The following MCRIP1 variants were observed in gnomAD, a reference collection of about 807,000 sequenced individuals.
The protein encoded by MCRIP1 is mapk-regulated corepressor-interacting protein 1.
In MCRIP1, 10 loss-of-function variants were observed where a neutral mutation model predicts 14.4. The ratio of observed to expected loss-of-function variants is 0.70; its 90% CI spans 0.43 to 1.18. The LOEUF (loss-of-function observed/expected upper bound fraction) is 1.18, where lower values mean the gene tolerates loss of function less well. Among genes scored for constraint, MCRIP1 ranks in the 50% most tolerant of loss-of-function variants. The pLI is 0.00. For synonymous variants in MCRIP1, 53 were observed against 55.7 expected (o/e 0.95, Z 0.21); for missense variants, 119 against 135.4 (o/e 0.88, Z 0.60).
rs549854554 is a variant in MCRIP1 at position 81,823,821 on chromosome 17, T to G, written c.128-308A>C. On this transcript the variant is annotated intron_variant, in intron 3 of 4. Coordinates refer to ENST00000455127, the MANE Select transcript of MCRIP1 (RefSeq NM_207368.5). The surrounding 1 kb of genome is among the most constrained non-coding windows in gnomAD (Gnocchi z 6.0). The stretch of plus-strand genomic sequence containing the variant: ...CGCATCCTCCTCAGCTAGGCCTCTA[T>G]CTTTCCCACCTCATCCACGCACCTC... 1 of 570,890 alleles carries G rather than the reference T, an allele frequency of 1.8e-6. No individual in the cohort carries two copies. The highest frequency in any genetic ancestry group is 1.9e-5 in the African/African-American group (1 of 53,310). 35.4% of individuals were successfully genotyped at this position (570,890 alleles called of 1,614,324 possible). A position where few individuals can be genotyped will look rare whatever the true frequency, so the allele number is the denominator to read the frequency against.
At chr17:81,828,856 G>A (rs2038463294) in intron 1 of MCRIP1, among the ~76,000 whole-genome samples, 1 of 152,206 alleles carries the variant, frequency 6.6e-6, no homozygotes, top group Non-Finnish European at 1.5e-5. Context: ...GGTCACCATG[G>A]AGCCACAATA....
intron 1 of MCRIP1, chr17:81,825,733 AG>A (rs1202714125): frequency 1.6e-6 from 2 of 1,289,320 alleles, no homozygotes; most frequent in East Asian, 1.1e-4. Context: ...AGGTCCAAAA[AG>A]GGCCAGGGGC....
Position 81,822,942 on chromosome 17 carries a change from G to A in MCRIP1, c.*305C>T. The A allele has an allele frequency of 1.8e-6, 1 of 552,594 alleles. No homozygotes were observed. Among genetic ancestry groups the A allele is most frequent in the South Asian group, 2.2e-5 (1 of 46,110 alleles). The allele number at this position is 552,594 out of a possible 1,614,324, so 34.2% of individuals were successfully genotyped here. A position where few individuals can be genotyped will look rare whatever the true frequency, so the allele number is the denominator to read the frequency against. ...CCAGGGGCAGGAGGGTGAGGGGAGA[G>A]GAGAGAGGTCAGGTCAGGGCCCCTG... is the stretch of plus-strand genomic sequence containing the variant. On this transcript the variant is annotated 3_prime_UTR_variant, in exon 5 of 5. Coordinates refer to ENST00000455127, the MANE Select transcript of MCRIP1 (RefSeq NM_207368.5).
chr17:81,827,059 A>G (rs1470481946), intron 1 of MCRIP1, among the ~76,000 whole-genome samples: 3 of 149,634 alleles, frequency 2.0e-5, no homozygotes, highest in South Asian at 2.2e-4. Context: ...CGGAGGTTGC[A>G]GTGAGCCGAG....
intron 1 of MCRIP1, among the ~76,000 whole-genome samples, chr17:81,832,962 G>T (rs962763075): frequency 7.2e-5 from 11 of 152,060 alleles, no homozygotes; most frequent in Non-Finnish European, 1.3e-4. Flanking sequence ...CTGGGTCCCC[G>T]GCACCTGCCC....
intron 1 of MCRIP1, chr17:81,824,992 C>G (rs148563006): frequency 2.0e-4 from 216 of 1,057,072 alleles, no homozygotes; most frequent in Non-Finnish European, 2.3e-4. Flanking sequence ...CCTGCTCTCC[C>G]TGGTGCAGGG....
intron 1 of MCRIP1, among the ~76,000 whole-genome samples, chr17:81,828,925 G>T (rs146733988): frequency 1.3e-5 from 2 of 152,324 alleles, no homozygotes; most frequent in Non-Finnish European, 2.9e-5. Flanking sequence ...GCTGAGGGGG[G>T]AGGGCAGGAA....
chr17:81,826,137 G>A, intron 1 of MCRIP1: 6 of 1,486,460 alleles, frequency 4.0e-6, no homozygotes, highest in Non-Finnish European at 3.6e-6. Flanking sequence ...CCCCTGCTGG[G>A]TTCGGTTGTC....
At chr17:81,832,056 G>GT (rs973239653) in intron 1 of MCRIP1, among the ~76,000 whole-genome samples, 1 of 152,142 alleles carries the variant, frequency 6.6e-6, no homozygotes, top group Non-Finnish European at 1.5e-5. Flanking sequence ...AGGCCATGAG[G>GT]TAACACTCCA....
In MCRIP1 at chr17:81,823,692, C is replaced by A. The variant is rs983344436; in HGVS notation, c.128-179G>T. On this transcript the variant is annotated intron_variant, in intron 3 of 4. Coordinates refer to ENST00000455127, the MANE Select transcript of MCRIP1 (RefSeq NM_207368.5). This position sits in a 1 kb window ranked among gnomAD's most constrained non-coding sequence, Gnocchi z 6.0. ...GCCTCACTCACCTGCAGACCCCGTC[C>A]CCGCTCCTCTGGCAGGCCTGTCCCT... 2.1e-5 allele frequency: 13 copies of A among 620,116 alleles called. No individual in the cohort carries two copies. Among genetic ancestry groups the A allele is most frequent in the Non-Finnish European group, 3.7e-5 (13 of 349,446 alleles). 38.4% of individuals were successfully genotyped at this position (620,116 alleles called of 1,614,324 possible). A position where few individuals can be genotyped will look rare whatever the true frequency, so the allele number is the denominator to read the frequency against.
At chr17:81,832,759 C>T (rs2038545810) in intron 1 of MCRIP1, among the ~76,000 whole-genome samples, 1 of 152,252 alleles carries the variant, frequency 6.6e-6, no homozygotes, top group Non-Finnish European at 1.5e-5. Flanking sequence ...GCATCACCGC[C>T]CGGGGAGACG....
chr17:81,826,132 G>T, intron 1 of MCRIP1: 2 of 1,484,620 alleles, frequency 1.3e-6, no homozygotes, highest in Non-Finnish European at 1.8e-6. Context: ...GGATCCCCCT[G>T]CTGGGTTCGG....
At chr17:81,827,776 A>ATTTTT (rs757592037) in intron 1 of MCRIP1, among the ~76,000 whole-genome samples, 2 of 110,770 alleles carry the variant, frequency 1.8e-5, no homozygotes, top group Non-Finnish European at 3.6e-5. Context: ...GCACCCATAC[A>ATTTTT]TTTTTTTTTT....
intron 1 of MCRIP1, among the ~76,000 whole-genome samples, chr17:81,831,439 T>C (rs530589258): frequency 7.1e-4 from 106 of 149,240 alleles, no homozygotes; most frequent in African/African-American, 2.3e-3. Context: ...AAAGGGATGC[T>C]GTTGATTATC....
chr17:81,823,487 G>A lies in MCRIP1; in HGVS notation c.154C>T (p.Arg52Ter). The change falls in exon 4 of 5, where the codon CGA (arginine) becomes TGA (stop). Residue 52 changes from arginine to a stop codon, truncating the protein, a stop_gained. Transcript: ENST00000455127. LOFTEE classifies it high-confidence loss of function. This position sits in a 1 kb window ranked among gnomAD's most constrained non-coding sequence, Gnocchi z 6.0. ...CGCTCGCCACCCGGCACCTGGCCTCGCAGGTCTCGCTCCACACCCTGCCAG... is the reference window on the plus strand; with the variant it reads ...CGCTCGCCACCCGGCACCTGGCCTCACAGGTCTCGCTCCACACCCTGCCAG... The part of the protein sequence containing the change: ...EAWQGVERDL[R>*]GQVPGGERGL... The A allele has an allele frequency of 4.6e-6, 7 of 1,536,472 alleles. No homozygotes were observed. Among genetic ancestry groups the A allele is most frequent in the Non-Finnish European group, 6.1e-6 (7 of 1,146,752 alleles).
intron 1 of MCRIP1, chr17:81,826,396 C>A: frequency 6.5e-7 from 1 of 1,534,830 alleles, no homozygotes; most frequent in Non-Finnish European, 8.7e-7. Context: ...TGGCAGCATG[C>A]ACTTGTAGTC....
intron 1 of MCRIP1, among the ~76,000 whole-genome samples, chr17:81,829,225 G>A (rs992342882): frequency 1.3e-5 from 2 of 151,340 alleles, no homozygotes; most frequent in Non-Finnish European, 3.0e-5. Flanking sequence ...AGGTAAAGGG[G>A]AGTGGCGGCC....
At chr17:81,826,817 C>CAAA (rs1169330913) in intron 1 of MCRIP1, among the ~76,000 whole-genome samples, 10 of 47,042 alleles carry the variant, frequency 2.1e-4, no homozygotes, top group East Asian at 1.5e-3. Flanking sequence ...GACTCCATCT[C>CAAA]AAAAAAAAAA....
chr17:81,832,352 G>A (rs1302813001), intron 1 of MCRIP1, among the ~76,000 whole-genome samples: 1 of 152,092 alleles, frequency 6.6e-6, no homozygotes, highest in Non-Finnish European at 1.5e-5. Context: ...CTGGGTGGTG[G>A]CAGCAACAGC....
Sources: allele counts gnomAD v4.1 joint callset (sites outside exome capture counted in the v4.1 genomes callset), GRCh38; gene constraint gnomAD v4.1.1; non-coding constraint Gnocchi (gnomAD v3.1); transcripts MANE v1.5; gene names NCBI Gene and HGNC (gene_info 2026-07-23, HGNC 2026-07-21).